AK8: variants seen among roughly 807,000 people sequenced by gnomAD.
AK8 encodes ATP-AMP transphosphorylase 8.
A neutral mutation model predicts 54.6 loss-of-function variants in AK8; 44 were observed. That is an observed-to-expected ratio of 0.81 (90% CI 0.63 to 1.04). The LOEUF (loss-of-function observed/expected upper bound fraction) is 1.04, where lower values mean the gene tolerates loss of function less well. AK8 is among the 50% of genes least tolerant of loss of function. The pLI is 0.00. For missense variants in AK8, 555 were observed against 613.6 expected (o/e 0.90, Z 1.01); for synonymous variants, 239 against 245.6 (o/e 0.97, Z 0.25).
chr9:132,817,525 CAGAGAAAGGAAA>C (rs1841384433), intron 9 of AK8, among the ~76,000 whole-genome samples: 1 of 152,072 alleles, frequency 6.6e-6, no homozygotes, highest in Non-Finnish European at 1.5e-5. Context: ...AGAATCTCAG[CAGAGAAAGGAAA>C]ACTGTGAAAA....
intron 11 of AK8, among the ~76,000 whole-genome samples, chr9:132,747,855 C>T (rs983904494): frequency 6.6e-6 from 1 of 150,796 alleles, no homozygotes; most frequent in Non-Finnish European, 1.5e-5. Context: ...GTGGCTCACA[C>T]CTGTAATCCC....
chr9:132,848,097 C>G (rs974921744), intron 5 of AK8, among the ~76,000 whole-genome samples: 1 of 110,552 alleles, frequency 9.0e-6, no homozygotes, highest in Non-Finnish European at 1.7e-5. Context: ...GCCTGGGCAA[C>G]AGAGCAACAC....
rs1838904388 is a variant in AK8 at position 132,770,254 on chromosome 9, C to G, written c.1121+22380G>C. 6.6e-6 allele frequency: 1 copy of G among 152,342 alleles called. No individual in the cohort carries two copies. The highest frequency in any genetic ancestry group is 1.5e-5 in the Non-Finnish European group (1 of 68,184). The allele number at this position is 152,342 out of a possible 1,614,324, so 9.4% of individuals were successfully genotyped here. Reference sequence around the variant, plus strand: ...ATTTAAAAGTGAAAGCGGAAACAAACAGCAGCCCCGCCAGCCCGGGCCCGG... The same window carrying G: ...ATTTAAAAGTGAAAGCGGAAACAAAGAGCAGCCCCGCCAGCCCGGGCCCGG... On this transcript the variant is annotated intron_variant, in intron 11 of 12. Transcript: ENST00000298545. This position sits in a 1 kb window ranked among gnomAD's most constrained non-coding sequence, Gnocchi z 4.3.
Position 132,749,872 on chromosome 9 carries a change from A to G in AK8, c.1122-22338T>C, listed in dbSNP as rs910831161. Among the ~76,000 whole-genome samples the G allele has an allele frequency of 5.3e-5, 8 of 151,074 alleles. No homozygotes were observed. The East Asian group carries it at 1.6e-3, about 30-fold the overall frequency. On this transcript the variant is annotated intron_variant, in intron 11 of 12. Coordinates refer to ENST00000298545, the MANE Select transcript of AK8 (RefSeq NM_152572.3). Reference sequence around the variant, plus strand: ...CGGCGCAGAGAACAGACGCTGCTGCAGGAGGCCATGGGGCTGGTGTTGGGG... The same window carrying G: ...CGGCGCAGAGAACAGACGCTGCTGCGGGAGGCCATGGGGCTGGTGTTGGGG...
chr9:132,745,367 G>T (rs1837595422), intron 11 of AK8, among the ~76,000 whole-genome samples: 1 of 152,108 alleles, frequency 6.6e-6, no homozygotes, highest in Admixed American at 6.5e-5. Flanking sequence ...GACTTTACGG[G>T]GCTGTCACAG....
chr9:132,878,574 G>A (rs1249354452), upstream of AK8: 5 of 1,123,370 alleles, frequency 4.5e-6, no homozygotes, highest in Non-Finnish European at 5.4e-6. This position sits in a 1 kb window ranked among gnomAD's most constrained non-coding sequence, Gnocchi z 4.7. Context: ...TCGGCCCTCC[G>A]AGGGGACGGG....
At chr9:132,747,762 TTTTAA>T (rs748161319) in intron 11 of AK8, among the ~76,000 whole-genome samples, 1 of 149,914 alleles carries the variant, frequency 6.7e-6, no homozygotes, top group Non-Finnish European at 1.5e-5. Flanking sequence ...AATTTTTTAA[TTTTAA>T]TTTTTTTTTT....
rs538825298 is a variant in AK8 at position 132,837,938 on chromosome 9, G to A, written c.403-9212C>T. Among the ~76,000 whole-genome samples the A allele has an allele frequency of 2.6e-5, 4 of 152,332 alleles. No individual in the cohort carries two copies. In the South Asian group the frequency reaches 8.3e-4, roughly 32 times the overall value. On this transcript the variant is annotated intron_variant, in intron 5 of 12. Coordinates refer to ENST00000298545, the MANE Select transcript of AK8 (RefSeq NM_152572.3). The surrounding 1 kb of genome is among the most constrained non-coding windows in gnomAD (Gnocchi z 4.3). ...ATCCCCTGCAAAGCTAACTGCATCT[G>A]TATTTGAGGAACACACAGCCAGGGC...
chr9:132,759,160 C>T (rs1450070790), intron 11 of AK8, among the ~76,000 whole-genome samples: 1 of 145,404 alleles, frequency 6.9e-6, no homozygotes, highest in Non-Finnish European at 1.5e-5. Context: ...CACGCCACTG[C>T]ACTCCAGCCT....
intron 11 of AK8, among the ~76,000 whole-genome samples, chr9:132,732,937 AC>A (rs2130945175): frequency 6.6e-6 from 1 of 152,322 alleles, no homozygotes; most frequent in South Asian, 2.1e-4. Context: ...TCCCTGAGCC[AC>A]AATCTCTTTC....
At chr9:132,787,511 C>T (rs889845057) in intron 11 of AK8, among the ~76,000 whole-genome samples, 2 of 152,036 alleles carry the variant, frequency 1.3e-5, no homozygotes, top group African/African-American at 4.8e-5. Context: ...CCAATCTATC[C>T]AACAAGTATG....
chr9:132,828,920 T>C (rs1841993234), intron 5 of AK8, among the ~76,000 whole-genome samples, 194 bp from the exon 6 acceptor site: 1 of 152,196 alleles, frequency 6.6e-6, no homozygotes, highest in African/African-American at 2.4e-5. Context: ...AATCATATCT[T>C]GGTGATTATA....
intron 11 of AK8, among the ~76,000 whole-genome samples, chr9:132,740,642 C>T (rs1837326848): frequency 6.6e-6 from 1 of 152,096 alleles, no homozygotes; most frequent in Non-Finnish European, 1.5e-5. Flanking sequence ...GGTCGGCTCC[C>T]CGTTTGGATT....
intron 10 of AK8, among the ~76,000 whole-genome samples, chr9:132,812,671 C>T (rs1841118853): frequency 6.6e-6 from 1 of 150,986 alleles, no homozygotes; most frequent in Non-Finnish European, 1.5e-5. Context: ...GGACCTCTAC[C>T]TCCATCCTGC....
intron 5 of AK8, among the ~76,000 whole-genome samples, chr9:132,845,089 C>T (rs926117095): frequency 6.6e-6 from 1 of 152,236 alleles, no homozygotes; most frequent in African/African-American, 2.4e-5. Flanking sequence ...CAATGCTACA[C>T]TCCCAATCAA....
chr9:132,753,810 G>C (rs1838060853), intron 11 of AK8, among the ~76,000 whole-genome samples: 2 of 152,220 alleles, frequency 1.3e-5, no homozygotes, highest in Admixed American at 1.3e-4. Flanking sequence ...GTGGCACGCA[G>C]GTGACAATGG....
chr9:132,874,776 C>G (rs1844014153), intron 2 of AK8, among the ~76,000 whole-genome samples: 1 of 152,266 alleles, frequency 6.6e-6, no homozygotes, highest in South Asian at 2.1e-4. Context: ...TGAAACCCAA[C>G]AGGCGACATC....
chr9:132,743,779 G>A (rs899399124), intron 11 of AK8, among the ~76,000 whole-genome samples: 1 of 152,216 alleles, frequency 6.6e-6, no homozygotes, highest in African/African-American at 2.4e-5. Flanking sequence ...ATCCTCGTGA[G>A]AAGTACACGA....
intron 10 of AK8, among the ~76,000 whole-genome samples, chr9:132,806,101 CGTGTGTGTGTGT>C (rs5900993): frequency 3.4e-5 from 5 of 148,678 alleles, no homozygotes; most frequent in South Asian, 2.2e-4. Flanking sequence ...TACTGCTTGG[CGTGTGTGTGTGT>C]GTGTGTGTGT....
Sources: gnomAD v4.1 joint callset for allele counts (sites outside exome capture counted in the v4.1 genomes callset) on GRCh38, gnomAD v4.1.1 for gene constraint, Gnocchi (gnomAD v3.1) non-coding constraint, MANE v1.5 for transcripts, NCBI Gene and HGNC (gene_info 2026-07-23, HGNC 2026-07-21) for gene names.